FGD6: variants seen among roughly 807,000 people sequenced by gnomAD.
FGD6 encodes the protein FYVE, RhoGEF and PH domain containing 6.
Under a neutral mutation model 149.4 loss-of-function variants are expected in FGD6, and 90 were observed. That is an observed-to-expected ratio of 0.60 (90% CI 0.51 to 0.72). The LOEUF (loss-of-function observed/expected upper bound fraction) is 0.72, where lower values mean the gene tolerates loss of function less well. FGD6 is among the 30% of genes least tolerant of loss of function. The pLI is 0.00. For synonymous variants in FGD6, 527 were observed against 584.0 expected, an observed-to-expected ratio of 0.90 and a Z score of 1.41; for missense variants, 1,437 against 1,684.8, an observed-to-expected ratio of 0.85 and a Z score of 2.57.
chr12:95,179,312 C>A (rs1412037073), intron 2 of FGD6, among the ~76,000 whole-genome samples: 1 of 149,732 alleles, frequency 6.7e-6, no homozygotes, highest in African/African-American at 2.5e-5. Flanking sequence ...CCGGCCTGGG[C>A]AACACAGGGA....
intron 2 of FGD6, among the ~76,000 whole-genome samples, chr12:95,174,699 C>T (rs1002902877): frequency 1.3e-5 from 2 of 151,942 alleles, no homozygotes; most frequent in South Asian, 2.1e-4. Context: ...GAAGCTGAGG[C>T]GGGTGGATCA....
intron 14 of FGD6, chr12:95,100,578 C>A: frequency 7.0e-6 from 3 of 427,720 alleles, no homozygotes; most frequent in Non-Finnish European, 1.4e-5. Context: ...TCTGTTCCCA[C>A]GACTTTCTAG....
At chr12:95,143,737 A>C (rs960584105) in intron 5 of FGD6, among the ~76,000 whole-genome samples, 1 of 152,210 alleles carries the variant, frequency 6.6e-6, no homozygotes, top group African/African-American at 2.4e-5. Flanking sequence ...GCTGTCTGCT[A>C]TCATGCAGGG....
chr12:95,163,527 A>G (rs1258482744), intron 3 of FGD6, among the ~76,000 whole-genome samples: 2 of 152,208 alleles, frequency 1.3e-5, no homozygotes, highest in African/African-American at 4.8e-5. Context: ...CCTTCTGCAC[A>G]TAGCACGCTG....
At chr12:95,159,660 C>A (rs746961222) in intron 3 of FGD6, among the ~76,000 whole-genome samples, 13 of 151,930 alleles carry the variant, frequency 8.6e-5, no homozygotes, top group Non-Finnish European at 1.9e-4. Context: ...AGGGTAAAAC[C>A]CTCTCTCTAC....
intron 2 of FGD6, 97 bp downstream of exon 2, chr12:95,208,746 A>G (rs1485633462): frequency 7.2e-7 from 1 of 1,386,806 alleles, no homozygotes; most frequent in East Asian, 2.4e-5. Context: ...TATTCCTTCA[A>G]CCACGTGTTT....
chr12:95,143,942 C>T (rs1394973262), intron 5 of FGD6, among the ~76,000 whole-genome samples: 1 of 152,186 alleles, frequency 6.6e-6, no homozygotes, highest in African/African-American at 2.4e-5. Context: ...ATATTTGTCT[C>T]CTGGCAGCAG....
At chr12:95,176,742 A>G (rs953348495) in intron 2 of FGD6, among the ~76,000 whole-genome samples, 7 of 152,344 alleles carry the variant, frequency 4.6e-5, no homozygotes, top group Non-Finnish European at 8.8e-5. Flanking sequence ...CACTGGAAGT[A>G]TATCAAATTT....
intron 8 of FGD6, among the ~76,000 whole-genome samples, chr12:95,128,232 T>C (rs1358715056): frequency 1.3e-5 from 2 of 152,134 alleles, no homozygotes; most frequent in South Asian, 4.2e-4. Context: ...CACTGAAGTC[T>C]GCCTCTGACT....
intron 2 of FGD6, among the ~76,000 whole-genome samples, chr12:95,193,064 G>C (rs543237775): frequency 6.6e-6 from 1 of 152,238 alleles, no homozygotes; most frequent in Admixed American, 6.5e-5. Flanking sequence ...AAAGCAAAAT[G>C]GTATACCTAC....
chr12:95,112,457 G>A (rs369022028), intron 9 of FGD6, among the ~76,000 whole-genome samples: 16 of 151,808 alleles, frequency 1.1e-4, no homozygotes, highest in Admixed American at 3.3e-4. Flanking sequence ...AAAATCAGCC[G>A]GGCATGGTGG....
Position 95,126,179 on chromosome 12 carries a change from CA to C in FGD6, c.3082+8559del, listed in dbSNP as rs1040354816. 2.1e-5 allele frequency: 23 copies of C among 1,105,724 alleles called. No individual in the cohort carries two copies. The Admixed American group carries it at 4.0e-4, about 19-fold the overall frequency. 68.5% of individuals were successfully genotyped at this position (1,105,724 alleles called of 1,614,324 possible). On this transcript the variant is annotated intron_variant, in intron 8 of 20. Transcript: ENST00000343958. ...AGGAAGCTCTCCTGAAAGCTTCTCTCAAAAAAGCACCTGTTGCTAAGGGTGC... is the reference window on the plus strand; with the variant it reads ...AGGAAGCTCTCCTGAAAGCTTCTCTCAAAAAGCACCTGTTGCTAAGGGTGC...
At chr12:95,165,309 T>G (rs1260652198) in intron 3 of FGD6, among the ~76,000 whole-genome samples, 1 of 151,840 alleles carries the variant, frequency 6.6e-6, no homozygotes, top group East Asian at 1.9e-4. Flanking sequence ...AGTACCTATG[T>G]CAGATGTGTA....
intron 5 of FGD6, among the ~76,000 whole-genome samples, chr12:95,149,220 T>C (rs947068221): frequency 3.4e-5 from 1 of 29,746 alleles, no homozygotes; most frequent in Non-Finnish European, 5.5e-5. Context: ...TATTATATAA[T>C]ATATAGCATA....
chr12:95,180,623 C>T (rs184172993), intron 2 of FGD6, among the ~76,000 whole-genome samples: 62 of 152,052 alleles, frequency 4.1e-4, no homozygotes, highest in Admixed American at 2.1e-3. Context: ...GGCTCAAACT[C>T]CTAGGCTCAA....
At chr12:95,126,209 T>C (rs1879333883) in intron 8 of FGD6, 2 of 1,199,500 alleles carry the variant, frequency 1.7e-6, no homozygotes, top group Non-Finnish European at 2.4e-6. Flanking sequence ...AGGGTGCTGC[T>C]GCAGCTGCTG....
intron 8 of FGD6, chr12:95,126,412 TA>T: frequency 7.9e-7 from 1 of 1,260,030 alleles, no homozygotes; most frequent in East Asian, 2.6e-5. Context: ...ATAAAAACAA[TA>T]AAGGTTCTTT....
chr12:95,098,301 T>A (rs1006960018), intron 14 of FGD6, among the ~76,000 whole-genome samples: 2 of 152,122 alleles, frequency 1.3e-5, no homozygotes, highest in African/African-American at 4.8e-5. Context: ...CTGTGTCCAA[T>A]CAGTCCCCTC....
At chr12:95,086,525 ATTTTTTT>A (rs144016507) in intron 18 of FGD6, among the ~76,000 whole-genome samples, 1 of 125,102 alleles carries the variant, frequency 8.0e-6, no homozygotes, top group Non-Finnish European at 1.7e-5. Context: ...TTACTGATTG[ATTTTTTT>A]TTTCTTTTTT....
Sources: allele counts gnomAD v4.1 joint callset (sites outside exome capture counted in the v4.1 genomes callset), GRCh38; gene constraint gnomAD v4.1.1; transcripts MANE v1.5; gene names NCBI Gene and HGNC (gene_info 2026-07-23, HGNC 2026-07-21).